PPARD: variants seen among roughly 807,000 people sequenced by gnomAD.
PPARD encodes peroxisome proliferator-activated receptor delta.
In PPARD, 6 loss-of-function variants were observed where a neutral mutation model predicts 39.5. That is an observed-to-expected ratio of 0.15 (90% confidence interval 0.08 to 0.30). The LOEUF (loss-of-function observed/expected upper bound fraction) is 0.30. Among genes scored for constraint, PPARD ranks in the 10% least tolerant of loss-of-function variants. The pLI, the probability that PPARD is intolerant of heterozygous loss-of-function variation, is 1.00. For synonymous variants in PPARD, 210 were observed against 231.3 expected (o/e 0.91, Z 0.83); for missense variants, 397 against 596.8 (o/e 0.67, Z 3.49).
At chr6:35,381,347 A>G (rs1433941925) in intron 2 of PPARD, among the ~76,000 whole-genome samples, 1 of 152,250 alleles carries the variant, frequency 6.6e-6, no homozygotes, top group Non-Finnish European at 1.5e-5. Context: ...AATTTAAGAA[A>G]ACTAAATTTA....
chr6:35,415,803 T>TGTGTGTG (rs1562219892), intron 3 of PPARD, among the ~76,000 whole-genome samples: 1 of 151,410 alleles, frequency 6.6e-6, no homozygotes, highest in African/African-American at 2.4e-5. Flanking sequence ...TGTGTGTGTG[T>TGTGTGTG]TGAAAGAAAG....
In PPARD at chr6:35,426,310, T is replaced by C; in HGVS notation, c.*231T>C. Reference sequence around the variant, plus strand: ...TTGTCTCCCTCTTTCTCAGTTCCTCTTTCTTTTCTAATTCCTGTTGCTCTG... The same window carrying C: ...TTGTCTCCCTCTTTCTCAGTTCCTCCTTCTTTTCTAATTCCTGTTGCTCTG... On this transcript the variant is annotated 3_prime_UTR_variant, in exon 8 of 8. Transcript: ENST00000360694. The C allele has an allele frequency of 1.7e-6, 1 of 586,066 alleles. No individual in the cohort carries two copies. Among genetic ancestry groups the C allele is most frequent in the Admixed American group, 3.2e-5 (1 of 31,390 alleles). The allele number at this position is 586,066 out of a possible 1,614,324, so 36.3% of individuals were successfully genotyped here. A position where few individuals can be genotyped will look rare whatever the true frequency, so the allele number is the denominator to read the frequency against.
rs1026718351 is a variant in PPARD at position 35,425,589 on chromosome 6, C to T, written c.1079-243C>T. On this transcript the variant is annotated intron_variant, in intron 7 of 7. Coordinates refer to ENST00000360694, the MANE Select transcript of PPARD (RefSeq NM_006238.5). The surrounding 1 kb of genome is among the most constrained non-coding windows in gnomAD (Gnocchi z 4.5). ...TTGAATTAAGCATTGAGTCTCTTAA[C>T]CACAATACTACGTTGCCTAATCGGG... Among the ~76,000 whole-genome samples, 1 of 152,070 alleles carries T rather than the reference C, an allele frequency of 6.6e-6. No individual in the cohort carries two copies. Among genetic ancestry groups the T allele is most frequent in the African/African-American group, 2.4e-5 (1 of 41,388 alleles).
chr6:35,344,384 C>G (rs1792047001), intron 1 of PPARD, among the ~76,000 whole-genome samples: 1 of 151,884 alleles, frequency 6.6e-6, no homozygotes, highest in Non-Finnish European at 1.5e-5. Flanking sequence ...GGAACTTGAG[C>G]AGACACATCT....
chr6:35,377,809 C>CAG (rs752516734), intron 2 of PPARD, among the ~76,000 whole-genome samples: 50 of 151,552 alleles, frequency 3.3e-4, no homozygotes, highest in Non-Finnish European at 5.7e-4. Flanking sequence ...TTTACTCCTT[C>CAG]AGAGCTTGGG....
intron 2 of PPARD, among the ~76,000 whole-genome samples, chr6:35,371,111 T>C (rs933212490): frequency 7.2e-5 from 11 of 152,132 alleles, no homozygotes; most frequent in Admixed American, 2.0e-4. Flanking sequence ...CACATGTTGG[T>C]CTCTCTCACA....
rs202189016 is a variant in PPARD at position 35,421,954 on chromosome 6, C to T, written c.420C>T (p.His140=). ...AGTGCCTGGCACTGGGCATGTCACA[C>T]AACGGTGAGAGCTGACCAGGGCAAC... is the stretch of plus-strand genomic sequence containing the variant. ...FQKCLALGMS[H]NAIRFGRMPE... Residue 140 remains histidine (H), a synonymous_variant, in exon 5 of 8, where the codon CAC becomes CAT. Coordinates refer to ENST00000360694, the MANE Select transcript of PPARD (RefSeq NM_006238.5). 6.2e-7 allele frequency: 1 copy of T among 1,610,614 alleles called. No homozygotes were observed. The highest frequency in any genetic ancestry group is 8.5e-7 in the Non-Finnish European group (1 of 1,178,094).
rs1762317890 is a variant in PPARD at position 35,368,490 on chromosome 6, C to T, written c.-102+21340C>T. Among the ~76,000 whole-genome samples the T allele has an allele frequency of 5.3e-5, 8 of 152,208 alleles. No individual in the cohort carries two copies. In the South Asian group the frequency reaches 1.7e-3, roughly 32 times the overall value. The stretch of plus-strand genomic sequence containing the variant: ...GGAAAATGTAGATTCCTGGGCCTTC[C>T]TCATGCCTATTGAATTAGAATTCCC... On this transcript the variant is annotated intron_variant, in intron 2 of 7. Coordinates refer to ENST00000360694, the MANE Select transcript of PPARD (RefSeq NM_006238.5).
intron 2 of PPARD, among the ~76,000 whole-genome samples, chr6:35,371,724 G>A (rs1014804810): frequency 1.3e-5 from 2 of 152,122 alleles, no homozygotes; most frequent in East Asian, 3.8e-4. Flanking sequence ...TAGAACCTGT[G>A]AACATGACCA....
At chr6:35,419,176 C>G (rs959915554) in intron 3 of PPARD, among the ~76,000 whole-genome samples, 5 of 152,066 alleles carry the variant, frequency 3.3e-5, no homozygotes, top group African/African-American at 9.7e-5. Flanking sequence ...GGAGGTTGCT[C>G]AGTCATTAGA....
intron 2 of PPARD, among the ~76,000 whole-genome samples, chr6:35,399,559 A>G (rs1418999594): frequency 1.3e-5 from 2 of 151,858 alleles, no homozygotes; most frequent in East Asian, 3.9e-4. Context: ...TACTAAAAAT[A>G]CAAAAATTAG....
intron 2 of PPARD, chr6:35,397,635 C>T: frequency 1.3e-6 from 1 of 793,522 alleles, no homozygotes; most frequent in Non-Finnish European, 1.5e-6. Flanking sequence ...ATGCCAGTTG[C>T]TCCTCTGATA....
chr6:35,380,169 A>T (rs1763052020), intron 2 of PPARD, among the ~76,000 whole-genome samples: 1 of 152,190 alleles, frequency 6.6e-6, no homozygotes, highest in Non-Finnish European at 1.5e-5. Flanking sequence ...ATTGATGGAT[A>T]GGGATTCTGA....
chr6:35,384,004 A>C (rs1253480634), intron 2 of PPARD, among the ~76,000 whole-genome samples: 58 of 100,216 alleles, frequency 5.8e-4, no homozygotes, highest in African/African-American at 7.6e-4. Context: ...GGTCAGCCCC[A>C]CGCCCCGCCA....
intron 2 of PPARD, among the ~76,000 whole-genome samples, chr6:35,410,573 T>G (rs1765359600): frequency 6.6e-6 from 1 of 152,076 alleles, no homozygotes; most frequent in Non-Finnish European, 1.5e-5. Flanking sequence ...TGGGCCTGAG[T>G]GCTGATAGGG....
chr6:35,355,629 T>G (rs1761558877), intron 2 of PPARD, among the ~76,000 whole-genome samples: 1 of 126,318 alleles, frequency 7.9e-6, no homozygotes, highest in African/African-American at 3.5e-5. Flanking sequence ...TTTTTTTTTT[T>G]GAGACGGAGT....
At chr6:35,344,285 C>T (rs1792041205) in intron 1 of PPARD, among the ~76,000 whole-genome samples, 1 of 152,060 alleles carries the variant, frequency 6.6e-6, no homozygotes, top group Non-Finnish European at 1.5e-5. Context: ...AATCCCAGAG[C>T]TCTGTTCCCT....
chr6:35,365,977 C>T (rs60889636), intron 2 of PPARD, among the ~76,000 whole-genome samples: 11,520 of 151,662 alleles, frequency 0.076, 953 homozygotes, highest in African/African-American at 0.17. Context: ...AAGAAAGGCT[C>T]AGGGTGAGTG....
At chr6:35,400,304 G>A (rs1474145584) in intron 2 of PPARD, among the ~76,000 whole-genome samples, 2 of 152,210 alleles carry the variant, frequency 1.3e-5, no homozygotes, top group Non-Finnish European at 2.9e-5. Context: ...AGCATTCACA[G>A]GCGAGCAAGA....
Sources: gnomAD v4.1 joint callset for allele counts (sites outside exome capture counted in the v4.1 genomes callset) on GRCh38, gnomAD v4.1.1 for gene constraint, Gnocchi (gnomAD v3.1) non-coding constraint, MANE v1.5 for transcripts, NCBI Gene and HGNC (gene_info 2026-07-23, HGNC 2026-07-21) for gene names.